SAMMSON: variants seen among roughly 807,000 people sequenced by gnomAD.
SAMMSON encodes the protein long intergenic non-protein coding RNA 1212.
intron 5 of SAMMSON, chr3:70,249,493 C>T (rs922734054): frequency 6.6e-5 from 10 of 152,134 alleles, no homozygotes; most frequent in Non-Finnish European, 1.5e-4. Flanking sequence ...ATTTTTCCCT[C>T]ACATCTTTCT....
intron 7 of SAMMSON, among the ~76,000 whole-genome samples, chr3:70,308,084 C>T (rs899391666): frequency 6.6e-6 from 1 of 152,172 alleles, no homozygotes; most frequent in Non-Finnish European, 1.5e-5. Context: ...CAGAGTCTTG[C>T]TCTGTTGCTC....
chr3:70,059,524 GA>G (rs1343428606), intron 3 of SAMMSON, among the ~76,000 whole-genome samples: 1 of 152,070 alleles, frequency 6.6e-6, no homozygotes, highest in Non-Finnish European at 1.5e-5. Flanking sequence ...TCAAACACCT[GA>G]AAGTCAGGAG....
intron 9 of SAMMSON, among the ~76,000 whole-genome samples, chr3:70,372,107 T>G (rs1455276720): frequency 6.6e-6 from 1 of 152,136 alleles, no homozygotes. Context: ...AATTTTTTTC[T>G]TCATTATATT....
chr3:70,117,324 A>T (rs192669593), intron 4 of SAMMSON, among the ~76,000 whole-genome samples: 6 of 152,304 alleles, frequency 3.9e-5, no homozygotes, highest in Admixed American at 3.9e-4. Flanking sequence ...ATTTTTCCAT[A>T]GTTGGTTGGT....
At chr3:70,013,353 C>CAT (rs952051718) in intron 2 of SAMMSON, among the ~76,000 whole-genome samples, 1 of 152,212 alleles carries the variant, frequency 6.6e-6, no homozygotes, top group Admixed American at 6.5e-5. Flanking sequence ...TAAAATCATA[C>CAT]ATATAAAGCA....
At chr3:70,015,943 T>G (rs933624918) in intron 3 of SAMMSON, among the ~76,000 whole-genome samples, 4 of 152,228 alleles carry the variant, frequency 2.6e-5, no homozygotes, top group African/African-American at 9.7e-5. Flanking sequence ...TGTGCCACAT[T>G]TTCTTAATCC....
intron 4 of SAMMSON, among the ~76,000 whole-genome samples, chr3:70,191,773 G>A (rs1701132537): frequency 6.6e-6 from 1 of 151,414 alleles, no homozygotes; most frequent in African/African-American, 2.4e-5. Context: ...TAGGCTTAGT[G>A]ATTAAAAGCA....
chr3:70,357,372 C>G (rs1559571651), intron 8 of SAMMSON, among the ~76,000 whole-genome samples: 2 of 152,192 alleles, frequency 1.3e-5, no homozygotes, highest in East Asian at 3.9e-4. Flanking sequence ...GGTTTCTAGA[C>G]AGAATTTACT....
chr3:70,353,100 G>A (rs1014846233), intron 7 of SAMMSON, among the ~76,000 whole-genome samples: 4 of 151,760 alleles, frequency 2.6e-5, no homozygotes, highest in Non-Finnish European at 5.9e-5. Context: ...ACCTATCAAT[G>A]GACTTAAATG....
chr3:70,251,243 T>A (rs577467698), intron 6 of SAMMSON, among the ~76,000 whole-genome samples: 1 of 152,332 alleles, frequency 6.6e-6, no homozygotes, highest in African/African-American at 2.4e-5. Context: ...GAGATGCCAA[T>A]GCTTTGTAGA....
At chr3:70,193,623 A>T (rs528167166) in intron 4 of SAMMSON, among the ~76,000 whole-genome samples, 86 of 152,202 alleles carry the variant, frequency 5.7e-4, no homozygotes, top group African/African-American at 1.9e-3. Flanking sequence ...TTTAGGTTTT[A>T]CTCAGATCTT....
chr3:70,113,224 A>C (rs772319033), intron 4 of SAMMSON, among the ~76,000 whole-genome samples: 86 of 152,220 alleles, frequency 5.6e-4, no homozygotes, highest in Non-Finnish European at 1.1e-3. Flanking sequence ...GAAATTTAAA[A>C]GACATGAAAG....
intron 4 of SAMMSON, among the ~76,000 whole-genome samples, chr3:70,086,005 G>A (rs2067284037): frequency 6.6e-6 from 1 of 152,184 alleles, no homozygotes; most frequent in African/African-American, 2.4e-5. Context: ...AGTTGGCTAT[G>A]GGTTTCTTAA....
intron 4 of SAMMSON, among the ~76,000 whole-genome samples, chr3:70,082,159 G>A (rs1456891719): frequency 6.6e-6 from 1 of 152,170 alleles, no homozygotes; most frequent in African/African-American, 2.4e-5. Flanking sequence ...TATGTAGTGG[G>A]CTTGTTTGGA....
chr3:70,417,850 G>T (rs564912351), intron 2 of SAMMSON, among the ~76,000 whole-genome samples: 2 of 152,220 alleles, frequency 1.3e-5, no homozygotes, highest in Non-Finnish European at 2.9e-5. Context: ...GCCAGGCTGG[G>T]TCTTATGCCC....
At chr3:70,245,707 A>ATG (rs1375902894) in intron 4 of SAMMSON, among the ~76,000 whole-genome samples, 4 of 139,394 alleles carry the variant, frequency 2.9e-5, no homozygotes, top group African/African-American at 1.0e-4. Context: ...ATATATATAT[A>ATG]TATATATACA....
At chr3:70,016,281 T>C (rs540585765) in intron 3 of SAMMSON, among the ~76,000 whole-genome samples, 28 of 152,196 alleles carry the variant, frequency 1.8e-4, no homozygotes, top group Admixed American at 8.5e-4. Context: ...TGGAATCTCA[T>C]TGTGGTTTTG....
intron 4 of SAMMSON, among the ~76,000 whole-genome samples, chr3:70,235,936 G>A (rs954156213): frequency 5.9e-5 from 9 of 151,992 alleles, no homozygotes; most frequent in Admixed American, 2.0e-4. Context: ...CAGTCACCAC[G>A]CCATTTTTCC....
chr3:70,093,920 C>A (rs1280817508), intron 4 of SAMMSON, among the ~76,000 whole-genome samples: 1 of 152,040 alleles, frequency 6.6e-6, no homozygotes, highest in Admixed American at 6.6e-5. Context: ...CCCTTAGGTG[C>A]CTTTGAGGGA....
Sources: allele counts gnomAD v4.1 joint callset (sites outside exome capture counted in the v4.1 genomes callset), GRCh38; gene constraint gnomAD v4.1.1; transcripts MANE v1.5; gene names NCBI Gene and HGNC (gene_info 2026-07-23, HGNC 2026-07-21).